Variants in RGS7BP observed in about 807,000 individuals in gnomAD.
RGS7BP encodes the protein regulator of G protein signaling 7-binding protein.
Under a neutral mutation model 31.3 loss-of-function variants are expected in RGS7BP, and 9 were observed. That is an observed-to-expected ratio of 0.29 (90% confidence interval 0.17 to 0.50). The LOEUF (loss-of-function observed/expected upper bound fraction) is 0.50. Among genes scored for constraint, RGS7BP ranks in the 20% least tolerant of loss-of-function variants. The probability of loss-of-function intolerance (pLI) is 0.98; values close to 1 mark genes in which losing one functional copy is unlikely to be tolerated. For missense variants in RGS7BP, 274 were observed against 322.0 expected (o/e 0.85, Z 1.14); for synonymous variants, 115 against 120.1 (o/e 0.96, Z 0.28).
At chr5:64,529,558 G>A (rs544820348) in intron 2 of RGS7BP, among the ~76,000 whole-genome samples, 78 of 152,286 alleles carry the variant, frequency 5.1e-4, no homozygotes, top group Non-Finnish European at 9.1e-4. Context: ...CGCCTGGGGA[G>A]CCTAAAAAAA....
intron 3 of RGS7BP, among the ~76,000 whole-genome samples, chr5:64,585,351 C>T (rs532463009): frequency 6.6e-6 from 1 of 151,960 alleles, no homozygotes; most frequent in African/African-American, 2.4e-5. Flanking sequence ...AGAGACCAAA[C>T]TAAGGACATC....
At chr5:64,596,764 A>T (rs904378811) in intron 4 of RGS7BP, among the ~76,000 whole-genome samples, 1 of 152,094 alleles carries the variant, frequency 6.6e-6, no homozygotes. Context: ...TTCCTTTTCC[A>T]ATCAATTATT....
At chr5:64,602,770 T>C (rs1743252906) in intron 5 of RGS7BP, among the ~76,000 whole-genome samples, 1 of 152,150 alleles carries the variant, frequency 6.6e-6, no homozygotes, top group Non-Finnish European at 1.5e-5. Flanking sequence ...AATATAATAA[T>C]GCCATAACAG....
chr5:64,532,207 A>G (rs1468266549), intron 2 of RGS7BP, among the ~76,000 whole-genome samples: 1 of 152,198 alleles, frequency 6.6e-6, no homozygotes, highest in Non-Finnish European at 1.5e-5. Flanking sequence ...CTGGAGCCGT[A>G]TATGGGAAGA....
intron 2 of RGS7BP, among the ~76,000 whole-genome samples, chr5:64,548,360 T>C (rs759729020): frequency 6.6e-6 from 1 of 152,164 alleles, no homozygotes; most frequent in Non-Finnish European, 1.5e-5. Context: ...TTTATAAAAG[T>C]GACACTGAAA....
At chr5:64,558,550 T>A (rs1328396324) in intron 2 of RGS7BP, among the ~76,000 whole-genome samples, 1 of 152,146 alleles carries the variant, frequency 6.6e-6, no homozygotes, top group Non-Finnish European at 1.5e-5. Context: ...ATTATTGCAT[T>A]AACTGCACAA....
chr5:64,535,135 T>C lies in RGS7BP; in HGVS notation c.332+27258T>C, dbSNP rs556710695. Among the ~76,000 whole-genome samples, 3 of 152,206 alleles carry C rather than the reference T, an allele frequency of 2.0e-5. No homozygotes were observed. The South Asian group carries it at 6.2e-4, about 32-fold the overall frequency. On this transcript the variant is annotated intron_variant, in intron 2 of 5. Coordinates refer to ENST00000334025, the MANE Select transcript of RGS7BP (RefSeq NM_001029875.3). ...TTGACATGAGCAGCCAGAGGAGCAC[T>C]GGGAACAGAAGTCTGGATTGGAGGG...
intron 2 of RGS7BP, among the ~76,000 whole-genome samples, chr5:64,509,799 T>C (rs1313677979): frequency 1.3e-5 from 2 of 152,206 alleles, no homozygotes; most frequent in Non-Finnish European, 2.9e-5. Context: ...GAAAATAAGA[T>C]GTTCTTAGAG....
chr5:64,541,347 C>T (rs1741521924), intron 2 of RGS7BP, among the ~76,000 whole-genome samples: 1 of 152,190 alleles, frequency 6.6e-6, no homozygotes, highest in South Asian at 2.1e-4. Flanking sequence ...CCAATCACCT[C>T]CCACCAGATC....
rs182706402 is a variant in RGS7BP at position 64,535,730 on chromosome 5, C to G, written c.332+27853C>G. On this transcript the variant is annotated intron_variant, in intron 2 of 5. Coordinates refer to ENST00000334025, the MANE Select transcript of RGS7BP (RefSeq NM_001029875.3). ...ATTTTCACTCTCCTTCCATAGCAGACAGGAAGACATACATCCTCCTTTATG... is the reference window on the plus strand; with the variant it reads ...ATTTTCACTCTCCTTCCATAGCAGAGAGGAAGACATACATCCTCCTTTATG... 2.1e-3 allele frequency among the ~76,000 whole-genome samples: 316 copies of G among 152,306 alleles called. 1 individual carries two copies. The highest frequency in any genetic ancestry group is 3.6e-3 in the Non-Finnish European group (244 of 68,024).
intron 2 of RGS7BP, among the ~76,000 whole-genome samples, chr5:64,523,937 G>T (rs1418874581): frequency 1.3e-5 from 2 of 152,076 alleles, no homozygotes; most frequent in African/African-American, 4.8e-5. Flanking sequence ...TTATAATTAG[G>T]ATCAAGACAA....
intron 4 of RGS7BP, among the ~76,000 whole-genome samples, chr5:64,597,540 G>A (rs898569020): frequency 6.6e-6 from 1 of 151,602 alleles, no homozygotes; most frequent in Non-Finnish European, 1.5e-5. Context: ...TGTTGGTCCT[G>A]GTGAACGCTT....
intron 3 of RGS7BP, among the ~76,000 whole-genome samples, chr5:64,580,805 G>C (rs1270873524): frequency 6.6e-6 from 1 of 152,062 alleles, no homozygotes; most frequent in East Asian, 1.9e-4. Flanking sequence ...GCCTTCCTTT[G>C]AGAAATAAAA....
chr5:64,545,634 C>T (rs868578296), intron 2 of RGS7BP, among the ~76,000 whole-genome samples: 7 of 151,914 alleles, frequency 4.6e-5, no homozygotes, highest in African/African-American at 9.7e-5. Context: ...TAGAAAGAAC[C>T]GGAGGAAATT....
intron 5 of RGS7BP, among the ~76,000 whole-genome samples, chr5:64,607,673 C>A (rs1008350695): frequency 3.3e-5 from 5 of 151,934 alleles, no homozygotes; most frequent in African/African-American, 7.2e-5. Context: ...TGCTTCTTAT[C>A]GGACGGAAGG....
chr5:64,552,242 TA>T (rs1344262628), intron 2 of RGS7BP, among the ~76,000 whole-genome samples: 1 of 152,132 alleles, frequency 6.6e-6, no homozygotes, highest in Non-Finnish European at 1.5e-5. Flanking sequence ...AATGGTATTT[TA>T]AACTGTATCT....
At position 64,506,370 on chromosome 5, in the gene RGS7BP, G is replaced by A. The variant is rs1044744745; in HGVS notation, c.-255G>A. 8.3e-6 allele frequency: 3 copies of A among 361,436 alleles called. No homozygotes were observed. Among genetic ancestry groups the A allele is most frequent in the Middle Eastern group, 7.1e-4 (1 of 1,410 alleles). The allele number at this position is 361,436 out of a possible 1,614,324, so 22.4% of individuals were successfully genotyped here. Reference sequence around the variant, plus strand: ...GCGCCCAGCTCCCGGGACAGGGTCGGCAATGCTGCTGAGCAGAACTTGATC... The same window carrying A: ...GCGCCCAGCTCCCGGGACAGGGTCGACAATGCTGCTGAGCAGAACTTGATC... On this transcript the variant is annotated 5_prime_UTR_variant, in exon 1 of 6. Transcript: ENST00000334025. This position sits in a 1 kb window ranked among gnomAD's most constrained non-coding sequence, Gnocchi z 4.6.
intron 2 of RGS7BP, among the ~76,000 whole-genome samples, chr5:64,544,961 G>A (rs1741616633): frequency 6.6e-6 from 1 of 152,162 alleles, no homozygotes; most frequent in African/African-American, 2.4e-5. Context: ...TAAATCACGA[G>A]GTCAGGAGAT....
Position 64,539,450 on chromosome 5 carries a change from TC to T in RGS7BP, c.332+31574del, listed in dbSNP as rs1404526434. ...TCTTATTTAAGACCTCTTTGTCTAATCTAAGGCTACAAAGACTTTCTCTTAT... is the reference window on the plus strand; with the variant it reads ...TCTTATTTAAGACCTCTTTGTCTAATTAAGGCTACAAAGACTTTCTCTTAT... On this transcript the variant is annotated intron_variant, in intron 2 of 5. Coordinates refer to ENST00000334025, the MANE Select transcript of RGS7BP (RefSeq NM_001029875.3). 3.9e-5 allele frequency: 6 copies of T among 152,368 alleles called. No individual in the cohort carries two copies. In the East Asian group the frequency reaches 1.2e-3, roughly 29 times the overall value. 9.4% of individuals were successfully genotyped at this position (152,368 alleles called of 1,614,324 possible).
Sources: allele counts gnomAD v4.1 joint callset (sites outside exome capture counted in the v4.1 genomes callset), GRCh38; gene constraint gnomAD v4.1.1; non-coding constraint Gnocchi (gnomAD v3.1); transcripts MANE v1.5; gene names NCBI Gene and HGNC (gene_info 2026-07-23, HGNC 2026-07-21).